GALNT16: variants seen among roughly 807,000 people sequenced by gnomAD.
The protein encoded by GALNT16 is polypeptide N-acetylgalactosaminyltransferase 16.
Under a neutral mutation model 76.1 loss-of-function variants are expected in GALNT16, and 40 were observed. The observed-to-expected ratio is 0.53, with a 90% confidence interval of 0.41 to 0.68. The LOEUF (loss-of-function observed/expected upper bound fraction) is 0.68. Ranked by LOEUF, GALNT16 falls within the 30% of genes least tolerant of loss-of-function variation. The pLI is 0.00. For synonymous variants in GALNT16, 276 were observed against 285.2 expected, an observed-to-expected ratio of 0.97 and a Z score of 0.32; for missense variants, 621 against 731.9, an observed-to-expected ratio of 0.85 and a Z score of 1.75.
rs138417894 is a variant in GALNT16, at chr14:69,290,501, G to A, written c.177+30034G>A. Among the ~76,000 whole-genome samples the A allele has an allele frequency of 3.7e-3, 557 of 152,364 alleles. 3 individuals carry two copies. The highest frequency in any genetic ancestry group is 0.013 in the African/African-American group (539 of 41,598). On this transcript the variant is annotated intron_variant, in intron 1 of 14. Coordinates refer to ENST00000448469, the MANE Select transcript of GALNT16 (RefSeq NM_001168368.2). ...GAGGAGCTGAGACAAGATGTTGGCA[G>A]GGGCTTTGCCCTTCGGTTTCATTGT...
chr14:69,386,068 C>T, the GALNT16 span, among the ~76,000 whole-genome samples: 3 of 152,126 alleles, frequency 2.0e-5, no homozygotes, highest in Admixed American at 2.0e-4. Context: ...CTTAAAGTAC[C>T]ATGCAACATT....
intron 1 of GALNT16, among the ~76,000 whole-genome samples, chr14:69,274,586 C>T (rs894839661): frequency 8.5e-5 from 13 of 152,076 alleles, no homozygotes; most frequent in Admixed American, 5.9e-4. Flanking sequence ...GGGAGGCCTT[C>T]GTAGTAATGC....
chr14:69,269,418 T>G (rs1411423199), intron 1 of GALNT16, among the ~76,000 whole-genome samples: 1 of 151,058 alleles, frequency 6.6e-6, no homozygotes, highest in East Asian at 1.9e-4. Flanking sequence ...GTGTGTGGTA[T>G]GTGTATGTGT....
At chr14:69,342,830 T>G (rs1351503426) in intron 12 of GALNT16, among the ~76,000 whole-genome samples, 1 of 152,166 alleles carries the variant, frequency 6.6e-6, no homozygotes, top group Non-Finnish European at 1.5e-5. Context: ...CCTCAGGCCT[T>G]GACTCAAACG....
intron 1 of GALNT16, among the ~76,000 whole-genome samples, chr14:69,276,799 A>G (rs2044476943): frequency 6.6e-6 from 1 of 152,236 alleles, no homozygotes; most frequent in Non-Finnish European, 1.5e-5. Flanking sequence ...TGGAATAAAA[A>G]AACTCTGATT....
chr14:69,368,539 G>C, the GALNT16 span, among the ~76,000 whole-genome samples: 1 of 152,210 alleles, frequency 6.6e-6, no homozygotes, highest in Non-Finnish European at 1.5e-5. Context: ...ACCTAAGATG[G>C]AAGCCACAGT....
chr14:69,343,045 C>T (rs1272330214), intron 12 of GALNT16, among the ~76,000 whole-genome samples: 1 of 152,254 alleles, frequency 6.6e-6, no homozygotes, highest in Non-Finnish European at 1.5e-5. Flanking sequence ...TTATCTCCAG[C>T]ACCTGGAACA....
In GALNT16 at chr14:69,324,685, T is replaced by C; in HGVS notation, c.336-7T>C. 6.3e-7 allele frequency: 1 copy of C among 1,587,244 alleles called. No homozygotes were observed. Among genetic ancestry groups the C allele is most frequent in the East Asian group, 2.2e-5 (1 of 44,678 alleles). On this transcript the variant is annotated splice_polypyrimidine_tract_variant and splice_region_variant and intron_variant, in intron 2 of 14. Transcript: ENST00000448469. ...GGCTGGCTCTGACCTCTGTGCTCCCTTCTCAGCTGCCCATCTGTGTCCTAC... is the reference window on the plus strand; with the variant it reads ...GGCTGGCTCTGACCTCTGTGCTCCCCTCTCAGCTGCCCATCTGTGTCCTAC...
At chr14:69,380,258 T>C in the GALNT16 span, 2,263 of 307,380 alleles carry the variant, frequency 7.4e-3, 29 homozygotes, top group Non-Finnish European at 5.9e-3. Flanking sequence ...ATATGAACAG[T>C]TGAAGGACTG....
chr14:69,334,871 T>G (rs1439716198), intron 9 of GALNT16, among the ~76,000 whole-genome samples: 2 of 150,738 alleles, frequency 1.3e-5, no homozygotes, highest in Non-Finnish European at 2.9e-5. Flanking sequence ...ATTCTGGGGG[T>G]CTCCAGGAGC....
At chr14:69,344,591 A>G (rs1459586382) in intron 12 of GALNT16, among the ~76,000 whole-genome samples, 1 of 152,220 alleles carries the variant, frequency 6.6e-6, no homozygotes, top group Admixed American at 6.5e-5. Context: ...CAGCTGCTCC[A>G]GGACTGCTAC....
chr14:69,336,867 G>A (rs117702720), intron 9 of GALNT16, among the ~76,000 whole-genome samples: 3,435 of 152,064 alleles, frequency 0.023, 55 homozygotes, highest in Non-Finnish European at 0.036. Context: ...TGGGACTACA[G>A]GTGCATGCCG....
At chr14:69,310,850 G>A (rs2045008106) in intron 1 of GALNT16, among the ~76,000 whole-genome samples, 1 of 152,192 alleles carries the variant, frequency 6.6e-6, no homozygotes, top group Non-Finnish European at 1.5e-5. Flanking sequence ...AGGAGGTTGA[G>A]GCTGCGGTGA....
intron 1 of GALNT16, among the ~76,000 whole-genome samples, chr14:69,288,031 TGACCC>T (rs1309804778): frequency 3.2e-4 from 49 of 152,220 alleles, no homozygotes; most frequent in African/African-American, 1.1e-3. Flanking sequence ...TTGGGATCAG[TGACCC>T]TCCAAGTCCA....
intron 1 of GALNT16, among the ~76,000 whole-genome samples, chr14:69,267,695 A>T (rs780577997): frequency 1.3e-5 from 2 of 152,088 alleles, no homozygotes; most frequent in Non-Finnish European, 2.9e-5. Context: ...TGGAGAGAGG[A>T]TGTGAATGAA....
upstream of GALNT16, chr14:69,260,082 G>A (rs374048021): frequency 1.6e-5 from 9 of 549,956 alleles, no homozygotes; most frequent in South Asian, 4.2e-5. Context: ...CGCGCTCGGG[G>A]CTGAAGGGCA....
chr14:69,313,449 C>T (rs2140154168), intron 1 of GALNT16, among the ~76,000 whole-genome samples: 1 of 152,328 alleles, frequency 6.6e-6, no homozygotes, highest in Admixed American at 6.5e-5. Context: ...AATGGCGGGC[C>T]TGATGCCTTG....
At chr14:69,383,636 G>A in the GALNT16 span, among the ~76,000 whole-genome samples, 8 of 152,120 alleles carry the variant, frequency 5.3e-5, no homozygotes, top group African/African-American at 1.9e-4. Context: ...AATAGTTACA[G>A]GTTTTCAAGC....
In GALNT16 at chr14:69,267,835, C is replaced by T. The variant is rs148779059; in HGVS notation, c.177+7368C>T. ...TGAGGGTTGAACTACAGGATCTCGGCGGTCCCTATCAGCTGAAATAATCTT... is the reference window on the plus strand; with the variant it reads ...TGAGGGTTGAACTACAGGATCTCGGTGGTCCCTATCAGCTGAAATAATCTT... On this transcript the variant is annotated intron_variant, in intron 1 of 14. Transcript: ENST00000448469. 5.1e-4 allele frequency among the ~76,000 whole-genome samples: 78 copies of T among 152,110 alleles called. 2 individuals are homozygous for T. In the East Asian group the frequency reaches 0.014, roughly 27 times the overall value.
Sources: gnomAD v4.1 joint callset for allele counts (sites outside exome capture counted in the v4.1 genomes callset) on GRCh38, gnomAD v4.1.1 for gene constraint, MANE v1.5 for transcripts, NCBI Gene and HGNC (gene_info 2026-07-23, HGNC 2026-07-21) for gene names.